The following DPP6 variants were observed in gnomAD, a reference collection of about 807,000 sequenced individuals.
DPP6 encodes dipeptidyl peptidase like 6.
Under a neutral mutation model 122.6 loss-of-function variants are expected in DPP6, and 69 were observed. That is an observed-to-expected ratio of 0.56 (90% CI 0.46 to 0.69). The LOEUF (loss-of-function observed/expected upper bound fraction) is 0.69, where lower values mean the gene tolerates loss of function less well. Ranked by LOEUF, DPP6 falls within the 30% of genes least tolerant of loss-of-function variation. DPP6 has a pLI of 0.00. For synonymous variants in DPP6, 418 were observed against 433.1 expected (o/e 0.97, Z 0.43); for missense variants, 928 against 1,116.9 (o/e 0.83, Z 2.41).
chr7:154,740,989 G>A (rs1388713207), intron 8 of DPP6, among the ~76,000 whole-genome samples: 2 of 152,238 alleles, frequency 1.3e-5, no homozygotes, highest in Middle Eastern at 3.4e-3. Context: ...TTATCTTTGG[G>A]AAGGTGTAAG....
chr7:154,345,844 G>A (rs1180828623), intron 1 of DPP6, among the ~76,000 whole-genome samples: 1 of 152,206 alleles, frequency 6.6e-6, no homozygotes, highest in African/African-American at 2.4e-5. Flanking sequence ...GAGAGGGAGA[G>A]GACATTCTCA....
chr7:154,651,203 G>A (rs1836854457), intron 6 of DPP6, among the ~76,000 whole-genome samples: 1 of 152,102 alleles, frequency 6.6e-6, no homozygotes, highest in South Asian at 2.1e-4. Flanking sequence ...ACTAGGTACT[G>A]TGGATTTGAG....
intron 4 of DPP6, among the ~76,000 whole-genome samples, chr7:154,544,045 T>C (rs1017890278): frequency 6.8e-6 from 1 of 148,040 alleles, no homozygotes; most frequent in Non-Finnish European, 1.5e-5. Context: ...TTTAAAATTC[T>C]ATGATGATTA....
chr7:154,645,270 T>A (rs1379015319), intron 6 of DPP6, among the ~76,000 whole-genome samples: 1 of 151,908 alleles, frequency 6.6e-6, no homozygotes, highest in Non-Finnish European at 1.5e-5. Flanking sequence ...TTTCACCGTG[T>A]TAGCCAGGAT....
At chr7:153,995,543 A>G (rs1368694648) in intron 1 of DPP6, among the ~76,000 whole-genome samples, 1 of 143,496 alleles carries the variant, frequency 7.0e-6, no homozygotes, top group Non-Finnish European at 1.5e-5. Flanking sequence ...AAGCGGAGAT[A>G]GCACCACTGC....
At chr7:153,844,662 G>C in the DPP6 span, among the ~76,000 whole-genome samples, 80 of 152,278 alleles carry the variant, frequency 5.3e-4, 2 homozygotes, top group South Asian at 0.016. Context: ...CAAATGGTGG[G>C]CCAGATTCAT....
intron 6 of DPP6, among the ~76,000 whole-genome samples, chr7:154,646,311 A>G (rs1229323398): frequency 2.0e-5 from 3 of 152,188 alleles, no homozygotes; most frequent in Non-Finnish European, 4.4e-5. Flanking sequence ...CGGCTGTGTA[A>G]GAATGAATCA....
intron 16 of DPP6, among the ~76,000 whole-genome samples, chr7:154,843,471 G>A (rs1402435838): frequency 1.3e-5 from 2 of 152,042 alleles, no homozygotes; most frequent in African/African-American, 2.4e-5. Flanking sequence ...CCTCTTTGTC[G>A]GTACAGGCAG....
chr7:154,692,447 C>A (rs1428855197), intron 7 of DPP6, among the ~76,000 whole-genome samples: 5 of 152,200 alleles, frequency 3.3e-5, no homozygotes, highest in East Asian at 1.9e-4. Context: ...ATGGTCCTCA[C>A]TGGGGAAGGA....
chr7:154,748,729 G>A (rs1406695834), intron 8 of DPP6, among the ~76,000 whole-genome samples: 1 of 152,098 alleles, frequency 6.6e-6, no homozygotes, highest in African/African-American at 2.4e-5. Context: ...GCAGGGCTTC[G>A]ATGCCTTTTG....
At chr7:154,056,152 G>A (rs950510248) in intron 1 of DPP6, among the ~76,000 whole-genome samples, 4 of 152,212 alleles carry the variant, frequency 2.6e-5, no homozygotes, top group Non-Finnish European at 5.9e-5. Context: ...TCCCAACTGT[G>A]TGGCTCCACA....
At chr7:154,684,013 C>T (rs1839443592) in intron 7 of DPP6, among the ~76,000 whole-genome samples, 1 of 152,174 alleles carries the variant, frequency 6.6e-6, no homozygotes, top group South Asian at 2.1e-4. Flanking sequence ...GGACCTCAGG[C>T]ACGTGCCACC....
intron 1 of DPP6, among the ~76,000 whole-genome samples, chr7:154,075,042 CAT>C (rs1465105438): frequency 2.0e-5 from 3 of 151,776 alleles, no homozygotes; most frequent in Admixed American, 1.3e-4. Flanking sequence ...GGCCAACAAA[CAT>C]ATGAAAAAAT....
chr7:153,989,938 G>T (rs1276041054), intron 1 of DPP6, among the ~76,000 whole-genome samples: 1 of 61,772 alleles, frequency 1.6e-5, no homozygotes, highest in Non-Finnish European at 3.3e-5. Context: ...GGCCAGCCCC[G>T]CCCCCAGCAA....
At chr7:154,828,304 A>G (rs1800346573) in intron 16 of DPP6, among the ~76,000 whole-genome samples, 1 of 150,856 alleles carries the variant, frequency 6.6e-6, no homozygotes, top group East Asian at 1.9e-4. Context: ...TTAAGTTTGA[A>G]GTTGCTGTAA....
chr7:153,918,944 A>G (rs550010961), intron 1 of DPP6, among the ~76,000 whole-genome samples: 1 of 137,728 alleles, frequency 7.3e-6, no homozygotes, highest in African/African-American at 2.8e-5. Context: ...ATGCCACTGC[A>G]CTCCAGTCTG....
chr7:154,153,339 C>T (rs1290249745), intron 1 of DPP6, among the ~76,000 whole-genome samples: 1 of 152,094 alleles, frequency 6.6e-6, no homozygotes, highest in Non-Finnish European at 1.5e-5. Context: ...GCATGCACCA[C>T]CATGCCCAGC....
At chr7:154,753,935 G>A (rs559914824) in intron 8 of DPP6, among the ~76,000 whole-genome samples, 1 of 152,252 alleles carries the variant, frequency 6.6e-6, no homozygotes, top group South Asian at 2.1e-4. Context: ...TTGAAAGGCC[G>A]GCTCTTGTTC....
In DPP6 at chr7:154,061,628, G is replaced by A. The variant is rs1296480458; in HGVS notation, c.243+8565G>A. Among the ~76,000 whole-genome samples, 15 of 139,904 alleles carry A rather than the reference G, an allele frequency of 1.1e-4. 1 individual carries two copies. Among genetic ancestry groups the A allele is most frequent in the Admixed American group, 2.8e-4 (4 of 14,400 alleles). The allele number at this position is 139,904 out of a possible 152,430, so 91.8% of individuals were successfully genotyped here. ...GGGACTCCCATCACAGGGGGGGGAG[G>A]CACCCGCTGCGAGGCGGGGACTCAG... On this transcript the variant is annotated intron_variant, in intron 1 of 25. Transcript: ENST00000377770.
Sources: allele counts gnomAD v4.1 joint callset (sites outside exome capture counted in the v4.1 genomes callset), GRCh38; gene constraint gnomAD v4.1.1; transcripts MANE v1.5; gene names NCBI Gene and HGNC (gene_info 2026-07-23, HGNC 2026-07-21).